Variants in PRKCD observed in about 807,000 individuals in gnomAD.
PRKCD encodes protein kinase C delta.
Under a neutral mutation model 82.2 loss-of-function variants are expected in PRKCD, and 20 were observed. The ratio of observed to expected loss-of-function variants is 0.24; its 90% CI spans 0.17 to 0.35. The LOEUF (loss-of-function observed/expected upper bound fraction) is 0.35. PRKCD is among the 10% of genes least tolerant of loss of function. The pLI, the probability that PRKCD is intolerant of heterozygous loss-of-function variation, is 1.00. For synonymous variants in PRKCD, 317 were observed against 337.0 expected (o/e 0.94, Z 0.65); for missense variants, 607 against 899.0 (o/e 0.68, Z 4.15).
At chr3:53,187,179 G>A (rs546091993) in intron 14 of PRKCD, among the ~76,000 whole-genome samples, 161 bp from the exon 15 acceptor site, 1 of 152,216 alleles carries the variant, frequency 6.6e-6, no homozygotes, top group Non-Finnish European at 1.5e-5. Flanking sequence ...TGGGCTGCCA[G>A]CCCCCACTTG....
Position 53,167,886 on chromosome 3 carries a change from G to C in PRKCD, c.-20+2671G>C, listed in dbSNP as rs1267345400. On this transcript the variant is annotated intron_variant, in intron 2 of 18. Transcript: ENST00000330452. ...TGGCAGTGCCCTACTTGTTCAGTAGGTTCCATGCCCTCCGAGGAGAGGAGC... is the reference window on the plus strand; with the variant it reads ...TGGCAGTGCCCTACTTGTTCAGTAGCTTCCATGCCCTCCGAGGAGAGGAGC... Among the ~76,000 whole-genome samples the C allele has an allele frequency of 2.0e-5, 3 of 152,214 alleles. No homozygotes were observed. In the South Asian group the frequency reaches 6.2e-4, roughly 31 times the overall value.
chr3:53,188,298 A>G (rs1319969494), intron 15 of PRKCD, among the ~76,000 whole-genome samples: 1 of 151,356 alleles, frequency 6.6e-6, no homozygotes, highest in African/African-American at 2.4e-5. Flanking sequence ...GCTCAGTGGA[A>G]GGTAGACTTT....
chr3:53,171,568 A>T (rs1488034729), intron 2 of PRKCD, among the ~76,000 whole-genome samples: 1 of 152,258 alleles, frequency 6.6e-6, no homozygotes, highest in Non-Finnish European at 1.5e-5. Context: ...TCACATATTT[A>T]TGTGACTGGC....
intron 18 of PRKCD, among the ~76,000 whole-genome samples, chr3:53,190,586 G>A (rs1553670612): frequency 1.3e-5 from 2 of 152,152 alleles, no homozygotes; most frequent in African/African-American, 4.8e-5. Context: ...GTGGAAGAGG[G>A]GCTGGTTCAC....
At chr3:53,165,428 T>C (rs1575522138) in intron 2 of PRKCD, among the ~76,000 whole-genome samples, 1 of 152,250 alleles carries the variant, frequency 6.6e-6, no homozygotes, top group African/African-American at 2.4e-5. Flanking sequence ...AACCTGGCTG[T>C]GGCCCCAGAA....
chr3:53,188,933 C>T lies in PRKCD; in HGVS notation c.1554+75C>T, dbSNP rs1201912147. ...CCACGGTGGGCCAGGGAAGGATTCC[C>T]AAGGGCAGTGATGTCCAAGCCAAAG... is the stretch of plus-strand genomic sequence containing the variant. On this transcript the variant is annotated intron_variant, in intron 16 of 18. Transcript: ENST00000330452. The T allele has an allele frequency of 2.5e-6, 4 of 1,595,644 alleles. No homozygotes were observed. In the African/African-American group the frequency reaches 4.0e-5, roughly 16 times the overall value.
intron 17 of PRKCD, 129 bp downstream of exon 17, chr3:53,189,375 A>G: frequency 1.0e-6 from 1 of 981,222 alleles, no homozygotes; most frequent in Middle Eastern, 3.2e-4. Context: ...GTCCTAACAT[A>G]CGGGGTATTG....
chr3:53,189,272 TGG>T, intron 17 of PRKCD, 26 bp downstream of exon 17: 1 of 542,104 alleles, frequency 1.8e-6, no homozygotes, highest in Non-Finnish European at 2.7e-6. Context: ...TGGGCTGGGC[TGG>T]TCTGGGCTGG....
intron 2 of PRKCD, 25 bp downstream of exon 2, chr3:53,165,240 A>C (rs563100982): frequency 6.6e-6 from 1 of 152,398 alleles, no homozygotes; most frequent in Non-Finnish European, 1.5e-5. Context: ...TCTTAGGCAG[A>C]TGGATGGTGC....
chr3:53,168,599 G>A (rs1280458461), intron 2 of PRKCD, among the ~76,000 whole-genome samples: 1 of 152,012 alleles, frequency 6.6e-6, no homozygotes, highest in African/African-American at 2.4e-5. Flanking sequence ...TTCCCCACTT[G>A]CCTCGTCTGT....
intron 7 of PRKCD, chr3:53,181,954 G>A (rs782081870): frequency 1.1e-5 from 8 of 738,632 alleles, no homozygotes; most frequent in East Asian, 8.2e-5. Flanking sequence ...ATTCAGTGAC[G>A]GGGAGTTGGT....
chr3:53,187,079 A>G (rs11130351), intron 14 of PRKCD, among the ~76,000 whole-genome samples: 120,232 of 152,186 alleles, frequency 0.79, 51,887 homozygotes, highest in East Asian at 0.95. Flanking sequence ...GTGTGTGTGC[A>G]TGCATGCAAA....
rs1490128132 is a variant in PRKCD at position 53,190,064 on chromosome 3, C to A, written c.1872+63C>A. The A allele has an allele frequency of 1.9e-5, 30 of 1,599,438 alleles. No homozygotes were observed. In the Admixed American group the frequency reaches 5.0e-4, roughly 27 times the overall value. On this transcript the variant is annotated intron_variant, in intron 18 of 18. Coordinates refer to ENST00000330452, the MANE Select transcript of PRKCD (RefSeq NM_006254.4). The stretch of plus-strand genomic sequence containing the variant: ...TACTCCTCTCCTGCCCTCCCTCTCT[C>A]CTGCATCATTCACACGCTTTCCACC...
At chr3:53,180,266 CATT>C (rs1553667113) in intron 4 of PRKCD, among the ~76,000 whole-genome samples, 1 of 152,248 alleles carries the variant, frequency 6.6e-6, no homozygotes, top group Admixed American at 6.5e-5. Context: ...CAGAGGCACC[CATT>C]ATCCCAGTTC....
intron 17 of PRKCD, 27 bp downstream of exon 17, chr3:53,189,273 GGTCT>G: frequency 1.0e-5 from 8 of 798,002 alleles, no homozygotes; most frequent in Non-Finnish European, 1.4e-5. Flanking sequence ...GGGCTGGGCT[GGTCT>G]GGGCTGGGCT....
At position 53,181,453 on chromosome 3, in the gene PRKCD, A is replaced by G; in HGVS notation, c.386A>G (p.Gln129Arg). Residue 129 changes from glutamine to arginine, a missense_variant, in exon 6 of 19, where the codon CAG becomes CGG. Coordinates refer to ENST00000330452, the MANE Select transcript of PRKCD (RefSeq NM_006254.4). ...ACTCCATGGTCACCAGATTGCAAAC[A>G]GTCTATGCGCAGTGAGGACGAGGCC... Reference protein sequence around the residue: ...QYFLEDVDCKQSMRSEDEAKF... With the variant: ...QYFLEDVDCKRSMRSEDEAKF... 6.2e-7 allele frequency: 1 copy of G among 1,614,176 alleles called. No individual in the cohort carries two copies. Among genetic ancestry groups the G allele is most frequent in the Non-Finnish European group, 8.5e-7 (1 of 1,180,008 alleles).
At chr3:53,161,965 C>G (rs994711883) in intron 1 of PRKCD, among the ~76,000 whole-genome samples, 1 of 150,808 alleles carries the variant, frequency 6.6e-6, no homozygotes, top group African/African-American at 2.4e-5. Context: ...CCTCTCCGCT[C>G]TACCGCGGGG....
In PRKCD at chr3:53,189,396, A is replaced by G. The variant is rs1203038615; in HGVS notation, c.1743+150A>G. ...ACATACGGGGTATTGCTCTCTCACC[A>G]TGTTCCCAGGAACTCCTGTCTGAGT... On this transcript the variant is annotated intron_variant, in intron 17 of 18. Coordinates refer to ENST00000330452, the MANE Select transcript of PRKCD (RefSeq NM_006254.4). The G allele has an allele frequency of 3.4e-6, 3 of 893,454 alleles. No homozygotes were observed. The African/African-American group carries it at 5.1e-5, about 15-fold the overall frequency. 55.3% of individuals were successfully genotyped at this position (893,454 alleles called of 1,614,324 possible).
chr3:53,190,785 G>A lies in PRKCD; in HGVS notation c.1872+784G>A, dbSNP rs545431848. 1.6e-4 allele frequency among the ~76,000 whole-genome samples: 24 copies of A among 152,208 alleles called. No homozygotes were observed. The South Asian group carries it at 2.9e-3, about 18-fold the overall frequency. On this transcript the variant is annotated intron_variant, in intron 18 of 18. Transcript: ENST00000330452. ...TCCCACTGGGCAGCCTGTGTAATGC[G>A]CCCCACATTTGTGCTTTGAGGCTAC... is the stretch of plus-strand genomic sequence containing the variant.
Sources: allele counts gnomAD v4.1 joint callset (sites outside exome capture counted in the v4.1 genomes callset), GRCh38; gene constraint gnomAD v4.1.1; transcripts MANE v1.5; gene names NCBI Gene and HGNC (gene_info 2026-07-23, HGNC 2026-07-21).